HSBP1: variants seen among roughly 807,000 people sequenced by gnomAD.
The protein encoded by HSBP1 is heat shock factor-binding protein 1.
Under a neutral mutation model 9.6 loss-of-function variants are expected in HSBP1, and 5 were observed. The observed-to-expected ratio is 0.52, with a 90% CI of 0.27 to 1.09. The LOEUF is 1.09. Among genes scored for constraint, HSBP1 ranks in the 50% least tolerant of loss-of-function variants. The probability of loss-of-function intolerance (pLI) is 0.11; values close to 1 mark genes in which losing one functional copy is unlikely to be tolerated. For missense variants in HSBP1, 121 were observed against 96.3 expected, an observed-to-expected ratio of 1.26 and a Z score of -1.07; for synonymous variants, 42 against 33.3, an observed-to-expected ratio of 1.26 and a Z score of -0.90.
chr16:83,813,934 C>G lies in HSBP1; in HGVS notation c.*2516C>G, dbSNP rs868069092. 1.3e-5 allele frequency: 2 copies of G among 152,118 alleles called. No individual in the cohort carries two copies. The allele number at this position is 152,118 out of a possible 1,614,324, so 9.4% of individuals were successfully genotyped here. ...TTGTTTAACCCTATCAGGACTAACA[C>G]AATATTTCACGTAACTAAGAGTTAA... On this transcript the variant is annotated 3_prime_UTR_variant, in exon 4 of 4. Transcript: ENST00000433866.
rs1421529070 is a variant in HSBP1, at chr16:83,813,431, G to A, written c.*2013G>A. 6.6e-6 allele frequency: 1 copy of A among 152,352 alleles called. No individual in the cohort carries two copies. The highest frequency in any genetic ancestry group is 1.5e-5 in the Non-Finnish European group (1 of 68,234). The allele number at this position is 152,352 out of a possible 1,614,324, so 9.4% of individuals were successfully genotyped here. ...GTGGCACAGTCATAGCTCACTTGGAGCCTGAAGCTCCTGGGCTCAGGCAGT... is the reference window on the plus strand; with the variant it reads ...GTGGCACAGTCATAGCTCACTTGGAACCTGAAGCTCCTGGGCTCAGGCAGT... On this transcript the variant is annotated 3_prime_UTR_variant, in exon 4 of 4. Coordinates refer to ENST00000433866, the MANE Select transcript of HSBP1 (RefSeq NM_001537.4).
intron 3 of HSBP1, among the ~76,000 whole-genome samples, chr16:83,809,761 C>T (rs1055645063): frequency 3.3e-5 from 5 of 151,882 alleles, no homozygotes; most frequent in Non-Finnish European, 7.4e-5. Flanking sequence ...AGCCGCCGTG[C>T]CCGGTCTTTT....
intron 2 of HSBP1, 200 bp from the exon 3 acceptor site, chr16:83,809,105 G>C: frequency 5.4e-6 from 3 of 560,436 alleles, no homozygotes; most frequent in Non-Finnish European, 9.5e-6. Context: ...TCCATCACTA[G>C]TAAGGGTCAG....
At position 83,819,105 on chromosome 16, in the gene HSBP1, G is replaced by T. The variant is rs997990079; in HGVS notation, c.*7687G>T. The T allele has an allele frequency of 6.6e-6, 1 of 151,922 alleles. No individual in the cohort carries two copies. Among genetic ancestry groups the T allele is most frequent in the Non-Finnish European group, 1.5e-5 (1 of 68,006 alleles). 9.4% of individuals were successfully genotyped at this position (151,922 alleles called of 1,614,324 possible). A position where few individuals can be genotyped will look rare whatever the true frequency, so the allele number is the denominator to read the frequency against. The stretch of plus-strand genomic sequence containing the variant: ...CGGGCATCAACCTTGGGGCGAGGGT[G>T]TTGGGTTGCCCAACACCCTTTAGTC... On this transcript the variant is annotated 3_prime_UTR_variant, in exon 4 of 4. Coordinates refer to ENST00000433866, the MANE Select transcript of HSBP1 (RefSeq NM_001537.4).
Position 83,816,676 on chromosome 16 carries a change from G to C in HSBP1, c.*5258G>C, listed in dbSNP as rs1904729260. The C allele has an allele frequency of 6.6e-6, 1 of 152,130 alleles. No individual in the cohort carries two copies. Among genetic ancestry groups the C allele is most frequent in the Non-Finnish European group, 1.5e-5 (1 of 68,040 alleles). The allele number at this position is 152,130 out of a possible 1,614,324, so 9.4% of individuals were successfully genotyped here. ...ACTGGCATCAAGAGTGTAGAAACCA[G>C]GGATGCTGCGTCAACACCCTACCAT... On this transcript the variant is annotated 3_prime_UTR_variant, in exon 4 of 4. Coordinates refer to ENST00000433866, the MANE Select transcript of HSBP1 (RefSeq NM_001537.4).
chr16:83,810,682 G>C (rs1029778202), intron 3 of HSBP1, among the ~76,000 whole-genome samples: 1 of 151,702 alleles, frequency 6.6e-6, no homozygotes, highest in African/African-American at 2.4e-5. Context: ...ACAAAAATTA[G>C]CTGGGTGTGG....
intron 1 of HSBP1, 80 bp from the exon 2 acceptor site, chr16:83,808,600 G>T: frequency 8.8e-7 from 1 of 1,138,818 alleles, no homozygotes; most frequent in Non-Finnish European, 1.3e-6. Context: ...GGAACCCCGG[G>T]ACCAGGGCTT....
rs1187713642 is a variant in HSBP1, at chr16:83,817,832, A to C, written c.*6414A>C. 1 of 152,170 alleles carries C rather than the reference A, an allele frequency of 6.6e-6. No individual in the cohort carries two copies. The highest frequency in any genetic ancestry group is 1.5e-5 in the Non-Finnish European group (1 of 68,026). The allele number at this position is 152,170 out of a possible 1,614,324, so 9.4% of individuals were successfully genotyped here. On this transcript the variant is annotated 3_prime_UTR_variant, in exon 4 of 4. Transcript: ENST00000433866. ...GACCATTTGACTGATTCTGCTCCAG[A>C]ATCTTATTGAGGCAAAGGACTGGAC...
At position 83,815,314 on chromosome 16, in the gene HSBP1, G is replaced by A. The variant is rs1904694262; in HGVS notation, c.*3896G>A. The A allele has an allele frequency of 2.0e-5, 3 of 152,140 alleles. No homozygotes were observed. Among genetic ancestry groups the A allele is most frequent in the Non-Finnish European group, 2.9e-5 (2 of 68,040 alleles). 9.4% of individuals were successfully genotyped at this position (152,140 alleles called of 1,614,324 possible). On this transcript the variant is annotated 3_prime_UTR_variant, in exon 4 of 4. Transcript: ENST00000433866. Reference sequence around the variant, plus strand: ...TATTTTAAAAAAGAAAAAAAGGCCAGCCTGGGCAATATACTGAGACTCCAT... The same window carrying A: ...TATTTTAAAAAAGAAAAAAAGGCCAACCTGGGCAATATACTGAGACTCCAT...
At position 83,817,585 on chromosome 16, in the gene HSBP1, T is replaced by C. The variant is rs1904750447; in HGVS notation, c.*6167T>C. 2 of 152,240 alleles carry C rather than the reference T, an allele frequency of 1.3e-5. No homozygotes were observed. Among genetic ancestry groups the C allele is most frequent in the Non-Finnish European group, 2.9e-5 (2 of 68,050 alleles). The allele number at this position is 152,240 out of a possible 1,614,324, so 9.4% of individuals were successfully genotyped here. On this transcript the variant is annotated 3_prime_UTR_variant, in exon 4 of 4. Coordinates refer to ENST00000433866, the MANE Select transcript of HSBP1 (RefSeq NM_001537.4). ...TTCAAAACCTCCATTTGTAAACCAT[T>C]GCTGTAGTTTTATTACCTCTTACCT...
intron 2 of HSBP1, chr16:83,809,023 G>T: frequency 1.8e-6 from 1 of 547,642 alleles, no homozygotes; most frequent in Non-Finnish European, 3.2e-6. Flanking sequence ...GTCTTTTGAT[G>T]CTCAGCATGA....
At chr16:83,808,599 G>A in intron 1 of HSBP1, 81 bp from the exon 2 acceptor site, 2 of 1,129,632 alleles carry the variant, frequency 1.8e-6, no homozygotes, top group East Asian at 2.5e-5. Flanking sequence ...TGGAACCCCG[G>A]GACCAGGGCT....
intron 2 of HSBP1, 135 bp from the exon 3 acceptor site, chr16:83,809,170 C>G: frequency 3.2e-6 from 2 of 628,560 alleles, no homozygotes; most frequent in Non-Finnish European, 5.6e-6. Context: ...TCTTACCCAC[C>G]AGCGTGTAAC....
chr16:83,811,158 CTGAT>C (rs1904592221), intron 3 of HSBP1, among the ~76,000 whole-genome samples: 1 of 152,192 alleles, frequency 6.6e-6, no homozygotes, highest in South Asian at 2.1e-4. Flanking sequence ...CATCAACTGA[CTGAT>C]TATCTTACCA....
At position 83,812,177 on chromosome 16, in the gene HSBP1, T is replaced by C. The variant is rs1381789373; in HGVS notation, c.*759T>C. On this transcript the variant is annotated 3_prime_UTR_variant, in exon 4 of 4. Transcript: ENST00000433866. ...ACCTACGTGGTTCATCTACAATGGT[T>C]ACCATAAAAAATCTGGCAGGATTTT... is the stretch of plus-strand genomic sequence containing the variant. 1 of 152,648 alleles carries C rather than the reference T, an allele frequency of 6.6e-6. No individual in the cohort carries two copies. The highest frequency in any genetic ancestry group is 2.4e-5 in the African/African-American group (1 of 41,456). The allele number at this position is 152,648 out of a possible 1,614,324, so 9.5% of individuals were successfully genotyped here.
Position 83,817,968 on chromosome 16 carries a change from C to G in HSBP1, c.*6550C>G, listed in dbSNP as rs1389546146. 1.3e-5 allele frequency: 2 copies of G among 152,204 alleles called. No individual in the cohort carries two copies. Among genetic ancestry groups the G allele is most frequent in the Non-Finnish European group, 2.9e-5 (2 of 68,048 alleles). 9.4% of individuals were successfully genotyped at this position (152,204 alleles called of 1,614,324 possible). A position where few individuals can be genotyped will look rare whatever the true frequency, so the allele number is the denominator to read the frequency against. ...CTTTGATAGGTATCTCTCCTGCAAG[C>G]CAGGCTCAGGTGCGCCTCAATTAGA... On this transcript the variant is annotated 3_prime_UTR_variant, in exon 4 of 4. Coordinates refer to ENST00000433866, the MANE Select transcript of HSBP1 (RefSeq NM_001537.4).
Position 83,811,702 on chromosome 16 carries a change from G to A in HSBP1, c.*284G>A, listed in dbSNP as rs1199203313. 6 of 152,188 alleles carry A rather than the reference G, an allele frequency of 3.9e-5. No homozygotes were observed. The highest frequency in any genetic ancestry group is 8.8e-5 in the Non-Finnish European group (6 of 68,028). The allele number at this position is 152,188 out of a possible 1,614,324, so 9.4% of individuals were successfully genotyped here. On this transcript the variant is annotated 3_prime_UTR_variant, in exon 4 of 4. Transcript: ENST00000433866. ...AGATTTTTTAGTGTATTTCTGTGAA[G>A]TCATTTTTTTTCTTGTCATTCCTTT...
At chr16:83,809,949 T>A (rs1346358723) in intron 3 of HSBP1, among the ~76,000 whole-genome samples, 1 of 152,176 alleles carries the variant, frequency 6.6e-6, no homozygotes. Context: ...ACCGAATTTA[T>A]TTTCCCAGTT....
At position 83,817,039 on chromosome 16, in the gene HSBP1, G is replaced by A. The variant is rs181403919; in HGVS notation, c.*5621G>A. Reference sequence around the variant, plus strand: ...GTGGCACATTAGAATCACCTGGGGAGCAGTTCAAAGGCCCAAAACTGGGCA... The same window carrying A: ...GTGGCACATTAGAATCACCTGGGGAACAGTTCAAAGGCCCAAAACTGGGCA... On this transcript the variant is annotated 3_prime_UTR_variant, in exon 4 of 4. Transcript: ENST00000433866. 9.2e-5 allele frequency: 14 copies of A among 152,376 alleles called. No individual in the cohort carries two copies. Among genetic ancestry groups the A allele is most frequent in the Admixed American group, 6.5e-4 (10 of 15,302 alleles). The allele number at this position is 152,376 out of a possible 1,614,324, so 9.4% of individuals were successfully genotyped here.
Sources: allele counts gnomAD v4.1 joint callset (sites outside exome capture counted in the v4.1 genomes callset), GRCh38; gene constraint gnomAD v4.1.1; transcripts MANE v1.5; gene names NCBI Gene and HGNC (gene_info 2026-07-23, HGNC 2026-07-21).